Variants in MAML3 observed in about 807,000 individuals in gnomAD.
MAML3 encodes mastermind like transcriptional coactivator 3, also known as mastermind-like protein 3.
Under a neutral mutation model 101.9 loss-of-function variants are expected in MAML3, and 27 were observed. The ratio of observed to expected loss-of-function variants is 0.27; its 90% confidence interval spans 0.20 to 0.37. The LOEUF (loss-of-function observed/expected upper bound fraction) is 0.37, where lower values mean the gene tolerates loss of function less well. MAML3 is among the 10% of genes least tolerant of loss of function. The pLI is 1.00. For synonymous variants in MAML3, 501 were observed against 555.9 expected (o/e 0.90, Z 1.39); for missense variants, 1,316 against 1,444.9 (o/e 0.91, Z 1.45).
chr4:140,012,983 C>T (rs1354535841), intron 1 of MAML3, among the ~76,000 whole-genome samples: 1 of 152,172 alleles, frequency 6.6e-6, no homozygotes, highest in African/African-American at 2.4e-5. Flanking sequence ...TGACCTCTAT[C>T]CGTGGTGCGT....
intron 2 of MAML3, among the ~76,000 whole-genome samples, chr4:139,734,923 G>A (rs1012533449): frequency 2.6e-5 from 4 of 152,258 alleles, no homozygotes; most frequent in African/African-American, 9.6e-5. Flanking sequence ...CCTTTTCCAG[G>A]CGTCCCTCGC....
intron 1 of MAML3, among the ~76,000 whole-genome samples, chr4:139,971,367 T>C (rs1047963920): frequency 3.9e-5 from 6 of 152,212 alleles, no homozygotes; most frequent in Non-Finnish European, 7.3e-5. Flanking sequence ...GTTTCAAATG[T>C]CAACTTCCCT....
chr4:140,001,468 T>C (rs1206117701), intron 1 of MAML3, among the ~76,000 whole-genome samples: 1 of 152,118 alleles, frequency 6.6e-6, no homozygotes, highest in Non-Finnish European at 1.5e-5. Context: ...TGAGAAAAAG[T>C]CAAAGTTGTT....
intron 1 of MAML3, among the ~76,000 whole-genome samples, chr4:139,949,816 T>C (rs1410428673): frequency 1.3e-5 from 2 of 152,194 alleles, no homozygotes; most frequent in African/African-American, 4.8e-5. Flanking sequence ...CAAATACCAA[T>C]ATAGATGTTG....
chr4:140,019,210 A>C (rs7674555), intron 1 of MAML3, among the ~76,000 whole-genome samples: 74,837 of 151,880 alleles, frequency 0.49, 18,902 homozygotes, highest in Non-Finnish European at 0.55. Flanking sequence ...CTCTCCCTAC[A>C]CAACACTGAC....
intron 1 of MAML3, among the ~76,000 whole-genome samples, chr4:140,104,558 C>T (rs1445481699): frequency 2.7e-5 from 4 of 147,204 alleles, no homozygotes; most frequent in Non-Finnish European, 5.9e-5. Flanking sequence ...TTGCAACCTC[C>T]ACCTCCTGGG....
At chr4:140,001,024 G>A (rs1340647673) in intron 1 of MAML3, among the ~76,000 whole-genome samples, 4 of 151,444 alleles carry the variant, frequency 2.6e-5, no homozygotes, top group Admixed American at 1.3e-4. Context: ...GCAAAACTCC[G>A]TCTCAAAAAA....
In MAML3 at chr4:139,719,951, G is replaced by A; in HGVS notation, c.2789C>T (p.Pro930Leu). Residue 930 changes from proline (P) to leucine (L), a missense_variant, in exon 5 of 5, where the codon CCA (proline) becomes CTA (leucine). Transcript: ENST00000509479. ...CTGGCCTACTGGCCCTTTCATCTGT[G>A]GATGTTGCTGGGTAATGGCTGAGTT... is the stretch of plus-strand genomic sequence containing the variant. ...LVNSAITQQH[P>L]QMKGPVGQAL... 6.2e-7 allele frequency: 1 copy of A among 1,614,094 alleles called. No homozygotes were observed. Among genetic ancestry groups the A allele is most frequent in the Non-Finnish European group, 8.5e-7 (1 of 1,179,906 alleles).
intron 1 of MAML3, among the ~76,000 whole-genome samples, chr4:140,100,306 T>C (rs1033554898): frequency 1.3e-5 from 2 of 152,236 alleles, no homozygotes; most frequent in Non-Finnish European, 2.9e-5. Context: ...TTATTTAAAC[T>C]TTTGTTCTCC....
intron 2 of MAML3, chr4:139,740,483 A>G (rs1729125845): frequency 6.6e-6 from 1 of 152,052 alleles, no homozygotes; most frequent in African/African-American, 2.4e-5. Flanking sequence ...TCTTTCCTTG[A>G]TTTAAAAATA....
rs541879581 is a variant in MAML3, at chr4:140,117,620, T to C, written c.468+35240A>G. ...GACCCTGTCTAAAAAAATATATAAATATATATGTATGTATGTATGTGTATA... is the reference window on the plus strand; with the variant it reads ...GACCCTGTCTAAAAAAATATATAAACATATATGTATGTATGTATGTGTATA... On this transcript the variant is annotated intron_variant, in intron 1 of 4. Coordinates refer to ENST00000509479, the MANE Select transcript of MAML3 (RefSeq NM_018717.5). 6.6e-5 allele frequency among the ~76,000 whole-genome samples: 10 copies of C among 150,680 alleles called. No individual in the cohort carries two copies. The East Asian group carries it at 2.0e-3, about 29-fold the overall frequency.
intron 1 of MAML3, among the ~76,000 whole-genome samples, chr4:140,003,789 A>G (rs1226430143): frequency 1.3e-5 from 2 of 152,174 alleles, no homozygotes; most frequent in South Asian, 2.1e-4. Context: ...AACATCCCTT[A>G]AGTTCAGTTT....
At chr4:140,076,033 A>C (rs1207286711) in intron 1 of MAML3, among the ~76,000 whole-genome samples, 1 of 151,428 alleles carries the variant, frequency 6.6e-6, no homozygotes, top group Non-Finnish European at 1.5e-5. Context: ...AAGTGCTGGG[A>C]TTACAGGCGT....
rs527668305 is a variant in MAML3 at position 139,760,949 on chromosome 4, T to C, written c.2080-30282A>G. 3.1e-4 allele frequency among the ~76,000 whole-genome samples: 47 copies of C among 152,240 alleles called. 1 individual carries two copies. The South Asian group carries it at 6.2e-3, about 20-fold the overall frequency. On this transcript the variant is annotated intron_variant, in intron 2 of 4. Transcript: ENST00000509479. ...GCTCTGTTGTTCTAGAGGACAGCTT[T>C]CTTTTCTTTTCTTTTTCTTTTTTTT...
chr4:140,034,951 A>G (rs1388794602), intron 1 of MAML3, among the ~76,000 whole-genome samples: 2 of 152,186 alleles, frequency 1.3e-5, no homozygotes, highest in African/African-American at 2.4e-5. Flanking sequence ...AAATGTATTC[A>G]GTTGTCCAAC....
intron 2 of MAML3, among the ~76,000 whole-genome samples, chr4:139,813,183 G>A (rs996894161): frequency 7.9e-5 from 12 of 151,930 alleles, no homozygotes; most frequent in African/African-American, 2.9e-4. Context: ...TAAGAAAATA[G>A]GGATTCAGTC....
intron 1 of MAML3, among the ~76,000 whole-genome samples, chr4:139,975,628 T>C (rs1183068172): frequency 5.9e-5 from 9 of 152,214 alleles, no homozygotes; most frequent in Non-Finnish European, 8.8e-5. Flanking sequence ...TCTGCTTTAT[T>C]CACTGCTGTA....
intron 2 of MAML3, among the ~76,000 whole-genome samples, chr4:139,737,093 C>T (rs926639493): frequency 2.0e-5 from 3 of 152,198 alleles, no homozygotes; most frequent in East Asian, 1.9e-4. Context: ...TGAGGAAGGG[C>T]GAGTCCCCTA....
At chr4:140,120,220 G>A (rs574044584) in intron 1 of MAML3, among the ~76,000 whole-genome samples, 3 of 125,706 alleles carry the variant, frequency 2.4e-5, no homozygotes, top group South Asian at 2.7e-4. Flanking sequence ...CTGGGCGACA[G>A]AGCGAGACTC....
Sources: gnomAD v4.1 joint callset for allele counts (sites outside exome capture counted in the v4.1 genomes callset) on GRCh38, gnomAD v4.1.1 for gene constraint, MANE v1.5 for transcripts, NCBI Gene and HGNC (gene_info 2026-07-23, HGNC 2026-07-21) for gene names.